The following MAGI2 variants were observed in gnomAD, a reference collection of about 807,000 sequenced individuals.
MAGI2 encodes membrane-associated guanylate kinase, WW and PDZ domain-containing protein 2.
MAGI2 carries 35 observed loss-of-function variants against 133.3 expected under a neutral mutation model. The ratio of observed to expected loss-of-function variants is 0.26; its 90% CI spans 0.20 to 0.35. The LOEUF is 0.35. Ranked by LOEUF, MAGI2 falls within the 10% of genes least tolerant of loss-of-function variation. MAGI2 has a pLI of 1.00. For synonymous variants in MAGI2, 729 were observed against 710.6 expected (o/e 1.03, Z -0.41); for missense variants, 1,636 against 1,863.4 (o/e 0.88, Z 2.25).
chr7:78,150,841 T>C (rs952194606), intron 16 of MAGI2, among the ~76,000 whole-genome samples: 6 of 152,192 alleles, frequency 3.9e-5, no homozygotes, highest in African/African-American at 1.4e-4. Context: ...AGAAAATGCA[T>C]TGTGAACACA....
At chr7:79,223,192 A>G (rs1011505535) in intron 1 of MAGI2, among the ~76,000 whole-genome samples, 5 of 151,834 alleles carry the variant, frequency 3.3e-5, no homozygotes, top group South Asian at 4.2e-4. Context: ...GCCATATCTC[A>G]TTTATTTTCA....
At chr7:79,028,216 AAT>A (rs1554336292) in intron 1 of MAGI2, among the ~76,000 whole-genome samples, 3 of 114,720 alleles carry the variant, frequency 2.6e-5, no homozygotes, top group Admixed American at 1.0e-4. Flanking sequence ...ATCTCAAAAA[AAT>A]ATATATATAT....
At chr7:78,682,708 T>A (rs1041760346) in intron 2 of MAGI2, among the ~76,000 whole-genome samples, 9 of 152,130 alleles carry the variant, frequency 5.9e-5, no homozygotes, top group Non-Finnish European at 1.3e-4. Flanking sequence ...TTTATAGTAG[T>A]GGAAGACAGT....
At chr7:78,670,444 G>C (rs554006007) in intron 2 of MAGI2, among the ~76,000 whole-genome samples, 3 of 152,092 alleles carry the variant, frequency 2.0e-5, no homozygotes, top group Non-Finnish European at 4.4e-5. Flanking sequence ...ATGGAAGAAC[G>C]TTCAATGCTC....
chr7:78,878,082 C>A (rs1052568442), intron 2 of MAGI2, among the ~76,000 whole-genome samples: 2 of 152,112 alleles, frequency 1.3e-5, no homozygotes, highest in Admixed American at 1.3e-4. Context: ...GTAACAAGCA[C>A]CCACAAAGTC....
At chr7:79,011,646 T>C (rs1808105227) in intron 1 of MAGI2, among the ~76,000 whole-genome samples, 1 of 152,122 alleles carries the variant, frequency 6.6e-6, no homozygotes, top group African/African-American at 2.4e-5. Flanking sequence ...AGGGGAAAGG[T>C]GGGGATGACC....
chr7:78,935,490 T>C (rs113956228), intron 2 of MAGI2, among the ~76,000 whole-genome samples: 3 of 152,248 alleles, frequency 2.0e-5, no homozygotes, highest in African/African-American at 7.2e-5. Flanking sequence ...AATGGAAATA[T>C]GTGGTGTTTC....
At chr7:78,630,059 T>C (rs1808791233) in intron 2 of MAGI2, among the ~76,000 whole-genome samples, 1 of 152,064 alleles carries the variant, frequency 6.6e-6, no homozygotes, top group Non-Finnish European at 1.5e-5. Context: ...CTTCTGATTT[T>C]TAAAAAGCAG....
chr7:78,220,858 C>G (rs188475583), intron 10 of MAGI2, among the ~76,000 whole-genome samples: 195 of 152,298 alleles, frequency 1.3e-3, no homozygotes, highest in African/African-American at 4.5e-3. Flanking sequence ...GTTAGGAAAA[C>G]AAACTTTATT....
At chr7:78,474,437 G>A (rs1014638291) in intron 6 of MAGI2, among the ~76,000 whole-genome samples, 1 of 151,972 alleles carries the variant, frequency 6.6e-6, no homozygotes, top group African/African-American at 2.4e-5. Flanking sequence ...GCTGCACAAA[G>A]AGCTAATATG....
At chr7:78,327,186 AG>A (rs1300380665) in intron 9 of MAGI2, among the ~76,000 whole-genome samples, 1 of 152,160 alleles carries the variant, frequency 6.6e-6, no homozygotes, top group Non-Finnish European at 1.5e-5. Flanking sequence ...TCTTGAGTGG[AG>A]GGTAGAAGAC....
intron 1 of MAGI2, among the ~76,000 whole-genome samples, chr7:79,084,755 G>A (rs954430444): frequency 1.4e-4 from 21 of 151,712 alleles, no homozygotes; most frequent in Non-Finnish European, 3.0e-4. Flanking sequence ...AACTAATACT[G>A]TTGAATTCTT....
intron 2 of MAGI2, among the ~76,000 whole-genome samples, chr7:78,701,746 T>C (rs955685548): frequency 2.0e-5 from 3 of 151,974 alleles, no homozygotes; most frequent in East Asian, 3.9e-4. Flanking sequence ...AAAATGTCAA[T>C]TTACAAACAG....
chr7:78,555,200 GGATAGATA>G (rs201538875), intron 3 of MAGI2, among the ~76,000 whole-genome samples: 5 of 92,634 alleles, frequency 5.4e-5, no homozygotes, highest in Admixed American at 3.3e-4. Context: ...TTGGATGGAT[GGATAGATA>G]GATAGATAGA....
chr7:78,861,428 G>A (rs1442487006), intron 2 of MAGI2, among the ~76,000 whole-genome samples: 1 of 152,086 alleles, frequency 6.6e-6, no homozygotes, highest in East Asian at 1.9e-4. Flanking sequence ...ATGGATTTAA[G>A]GACCTCTTCT....
chr7:78,555,212 A>C (rs916788896), intron 3 of MAGI2, among the ~76,000 whole-genome samples: 23 of 115,330 alleles, frequency 2.0e-4, no homozygotes, highest in Non-Finnish European at 2.2e-4. Context: ...ATAGATAGAT[A>C]GATAGATAGA....
intron 9 of MAGI2, among the ~76,000 whole-genome samples, chr7:78,331,013 C>T (rs2691531): frequency 0.58 from 88,235 of 151,974 alleles, 25,939 homozygotes; most frequent in Middle Eastern, 0.64. Flanking sequence ...ACACACACCA[C>T]AGAATACTAT....
At chr7:78,034,336 G>A (rs1465167494) in intron 21 of MAGI2, among the ~76,000 whole-genome samples, 1 of 152,080 alleles carries the variant, frequency 6.6e-6, no homozygotes, top group Non-Finnish European at 1.5e-5. Context: ...TAGGGGTTCA[G>A]GGAGGCCTCC....
intron 21 of MAGI2, among the ~76,000 whole-genome samples, chr7:78,036,171 C>T (rs746123625): frequency 2.6e-5 from 4 of 151,976 alleles, no homozygotes; most frequent in Admixed American, 6.6e-5. Flanking sequence ...ATGTCAGCAT[C>T]GACAAATGCC....
Sources: gnomAD v4.1 joint callset for allele counts (sites outside exome capture counted in the v4.1 genomes callset) on GRCh38, gnomAD v4.1.1 for gene constraint, MANE v1.5 for transcripts, NCBI Gene and HGNC (gene_info 2026-07-23, HGNC 2026-07-21) for gene names.